The following KIAA1549L variants were observed in gnomAD, a reference collection of about 807,000 sequenced individuals.
The protein encoded by KIAA1549L is KIAA1549 like, also known as UPF0606 protein KIAA1549L.
In KIAA1549L, 88 loss-of-function variants were observed where a neutral mutation model predicts 160.7. That is an observed-to-expected ratio of 0.55 (90% CI 0.46 to 0.65). The LOEUF is 0.65. Ranked by LOEUF, KIAA1549L falls within the 30% of genes least tolerant of loss-of-function variation. The pLI, the probability that KIAA1549L is intolerant of heterozygous loss-of-function variation, is 0.00. For missense variants in KIAA1549L, 2,258 were observed against 2,437.5 expected, an observed-to-expected ratio of 0.93 and a Z score of 1.55; for synonymous variants, 950 against 976.7, an observed-to-expected ratio of 0.97 and a Z score of 0.51.
chr11:33,544,463 G>C, intron 2 of KIAA1549L, 127 bp downstream of exon 2: 1 of 1,013,648 alleles, frequency 9.9e-7, no homozygotes, highest in Non-Finnish European at 1.4e-6. Flanking sequence ...TCATACCCCC[G>C]ATCAGGAATG....
intron 18 of KIAA1549L, among the ~76,000 whole-genome samples, chr11:33,657,234 G>A (rs1017736824): frequency 2.6e-5 from 4 of 152,096 alleles, no homozygotes; most frequent in Non-Finnish European, 5.9e-5. Flanking sequence ...AGTAGCAACG[G>A]GCTTCTTGGT....
chr11:33,661,904 AAAG>A (rs1256582303), intron 20 of KIAA1549L, among the ~76,000 whole-genome samples: 10 of 84,412 alleles, frequency 1.2e-4, no homozygotes, highest in African/African-American at 2.9e-4. Context: ...AAAAAAAAAA[AAAG>A]AAACCCAAGA....
At chr11:33,614,070 A>T in intron 15 of KIAA1549L, among the ~76,000 whole-genome samples, 1 of 152,180 alleles carries the variant, frequency 6.6e-6, no homozygotes, top group Non-Finnish European at 1.5e-5. Flanking sequence ...TCATGTAGTT[A>T]AGACACTGTG....
chr11:33,641,986 A>G (rs1055393882), intron 16 of KIAA1549L, among the ~76,000 whole-genome samples: 1 of 152,100 alleles, frequency 6.6e-6, no homozygotes, highest in Non-Finnish European at 1.5e-5. Context: ...CAGGGTTGAA[A>G]CCAATAATTG....
chr11:33,587,736 T>A (rs546576999), intron 11 of KIAA1549L, among the ~76,000 whole-genome samples: 91 of 152,276 alleles, frequency 6.0e-4, no homozygotes, highest in Non-Finnish European at 2.9e-5. Flanking sequence ...ACTTTAACCC[T>A]GTGTGAAAGG....
chr11:33,622,430 A>C (rs1850983262), intron 16 of KIAA1549L, among the ~76,000 whole-genome samples: 1 of 152,206 alleles, frequency 6.6e-6, no homozygotes, highest in Non-Finnish European at 1.5e-5. Context: ...CCTGCCCTGG[A>C]ACACCGAGGT....
At chr11:33,609,177 A>G (rs1015614420) in intron 14 of KIAA1549L, among the ~76,000 whole-genome samples, 19 of 152,260 alleles carry the variant, frequency 1.2e-4, no homozygotes, top group African/African-American at 4.3e-4. Flanking sequence ...TCAAAATTAC[A>G]TATCTCTCAA....
At chr11:33,387,780 C>T (rs1850201605) in intron 1 of KIAA1549L, among the ~76,000 whole-genome samples, 1 of 152,150 alleles carries the variant, frequency 6.6e-6, no homozygotes, top group Non-Finnish European at 1.5e-5. Context: ...TGGATAACAG[C>T]CTCAAGATCT....
intron 1 of KIAA1549L, among the ~76,000 whole-genome samples, chr11:33,428,410 G>A (rs758792030): frequency 6.6e-6 from 1 of 152,018 alleles, no homozygotes; most frequent in Non-Finnish European, 1.5e-5. Context: ...CCATCAACTC[G>A]TCATTCACAT....
At chr11:33,572,485 A>T (rs769566558) in intron 9 of KIAA1549L, among the ~76,000 whole-genome samples, 6 of 152,238 alleles carry the variant, frequency 3.9e-5, no homozygotes, top group Admixed American at 1.3e-4. Context: ...TTCTTAACAT[A>T]TATTTTCATA....
At chr11:33,572,861 T>C (rs1199728982) in intron 9 of KIAA1549L, among the ~76,000 whole-genome samples, 2 of 152,234 alleles carry the variant, frequency 1.3e-5, no homozygotes, top group Non-Finnish European at 2.9e-5. Flanking sequence ...ATTAATTCTA[T>C]AGGAAACTGC....
At position 33,645,963 on chromosome 11, in the gene KIAA1549L, C is replaced by T. The variant is rs752162006; in HGVS notation, c.5687C>T (p.Thr1896Met). 29 of 1,612,430 alleles carry T rather than the reference C, an allele frequency of 1.8e-5. No individual in the cohort carries two copies. Among genetic ancestry groups the T allele is most frequent in the Admixed American group, 3.3e-5 (2 of 59,790 alleles). ...GTGACCAGCGCTCCGGGGACCATGA[C>T]GCGGCCCAGGGCCGGGGTGCAGTGG... ...EVVTSAPGTM[T>M]RPRAGVQWVP... is the part of the protein sequence containing the mutation. Residue 1896 changes from threonine to methionine, a missense_variant, in exon 17 of 21, where the codon ACG becomes ATG. Coordinates refer to ENST00000658780, the MANE Select transcript of KIAA1549L (RefSeq NM_012194.3).
Position 33,658,761 on chromosome 11 carries a change from A to C in KIAA1549L, c.5870A>C (p.Asp1957Ala), listed in dbSNP as rs1852156118. The change falls in exon 19 of 21, where the codon GAC (aspartate) becomes GCC (alanine). Residue 1957 changes from aspartate (D) to alanine (A), a missense_variant. Coordinates refer to ENST00000658780, the MANE Select transcript of KIAA1549L (RefSeq NM_012194.3). ...AVASLRRSTS[D>A]IGSKTRMAES... ...TCTGCCCCATCTAGATCCACCTCAG[A>C]CATCGGCAGCAAGACCAGAATGGCC... The C allele has an allele frequency of 6.4e-7, 1 of 1,573,218 alleles. No homozygotes were observed. Among genetic ancestry groups the C allele is most frequent in the Non-Finnish European group, 8.6e-7 (1 of 1,160,264 alleles).
intron 14 of KIAA1549L, among the ~76,000 whole-genome samples, chr11:33,607,371 G>GA (rs920655612): frequency 9.4e-5 from 14 of 149,334 alleles, no homozygotes; most frequent in Middle Eastern, 3.5e-3. Context: ...CTAAGAGTCT[G>GA]AAAAAAAAAA....
At chr11:33,403,282 GACACACAC>G (rs1274071468) in intron 1 of KIAA1549L, 5 of 53,292 alleles carry the variant, frequency 9.4e-5, no homozygotes, top group African/African-American at 1.8e-4. Flanking sequence ...CACAGACACA[GACACACAC>G]ACACACACAC....
At chr11:33,494,932 C>T (rs1852779387) in intron 1 of KIAA1549L, among the ~76,000 whole-genome samples, 1 of 152,106 alleles carries the variant, frequency 6.6e-6, no homozygotes, top group South Asian at 2.1e-4. Flanking sequence ...GCAGAGTGAT[C>T]TTGATAGGAG....
At chr11:33,442,326 T>A (rs893890068) in intron 1 of KIAA1549L, among the ~76,000 whole-genome samples, 2 of 152,142 alleles carry the variant, frequency 1.3e-5, no homozygotes, top group Admixed American at 1.3e-4. Context: ...TACTGTAGCC[T>A]TGTAGTATAG....
chr11:33,451,631 CAG>C (rs1851723127), intron 1 of KIAA1549L, among the ~76,000 whole-genome samples: 1 of 152,216 alleles, frequency 6.6e-6, no homozygotes, highest in Non-Finnish European at 1.5e-5. Context: ...GTCTGAAAGA[CAG>C]AAAACAGAAG....
At chr11:33,377,953 C>T (rs2134026368) in intron 1 of KIAA1549L, among the ~76,000 whole-genome samples, 1 of 152,278 alleles carries the variant, frequency 6.6e-6, no homozygotes, top group Non-Finnish European at 1.5e-5. Flanking sequence ...GGTGCTTGTG[C>T]TTGCGAGTTA....
Sources: gnomAD v4.1 joint callset for allele counts (sites outside exome capture counted in the v4.1 genomes callset) on GRCh38, gnomAD v4.1.1 for gene constraint, MANE v1.5 for transcripts, NCBI Gene and HGNC (gene_info 2026-07-23, HGNC 2026-07-21) for gene names.